USP53: variants seen among roughly 807,000 people sequenced by gnomAD.
USP53 encodes ubiquitin specific peptidase 53.
A neutral mutation model predicts 94.9 loss-of-function variants in USP53; 71 were observed. The observed-to-expected ratio is 0.75, with a 90% CI of 0.62 to 0.91. The LOEUF is 0.91. Among genes scored for constraint, USP53 ranks in the 40% least tolerant of loss-of-function variants. The probability of loss-of-function intolerance (pLI) is 0.00; values close to 1 mark genes in which losing one functional copy is unlikely to be tolerated. For synonymous variants in USP53, 375 were observed against 422.7 expected (o/e 0.89, Z 1.39); for missense variants, 1,173 against 1,281.0 (o/e 0.92, Z 1.29).
At chr4:119,241,241 A>G (rs1304416741) in intron 5 of USP53, among the ~76,000 whole-genome samples, 2 of 151,964 alleles carry the variant, frequency 1.3e-5, no homozygotes, top group Admixed American at 6.6e-5. Flanking sequence ...ATGGTGATGT[A>G]TTTTTTTTAA....
At chr4:119,255,869 T>G (rs1201585998) in intron 7 of USP53, among the ~76,000 whole-genome samples, 1 of 152,222 alleles carries the variant, frequency 6.6e-6, no homozygotes, top group Non-Finnish European at 1.5e-5. Flanking sequence ...CTGTTCCTAT[T>G]CAGCCATCCA....
intron 3 of USP53, among the ~76,000 whole-genome samples, chr4:119,225,751 A>G (rs1561193636): frequency 6.6e-6 from 1 of 152,218 alleles, no homozygotes; most frequent in Non-Finnish European, 1.5e-5. Flanking sequence ...AAACAAAAAC[A>G]AAACAAACAA....
chr4:119,266,177 C>G (rs1306667408), intron 12 of USP53: 1 of 431,308 alleles, frequency 2.3e-6, no homozygotes, highest in African/African-American at 2.0e-5. Flanking sequence ...CTTTAAGATT[C>G]ATTCATGTTG....
intron 13 of USP53, among the ~76,000 whole-genome samples, chr4:119,267,875 A>T (rs1356569455): frequency 6.6e-6 from 1 of 152,230 alleles, no homozygotes; most frequent in Admixed American, 6.5e-5. Flanking sequence ...TTTACAGTTA[A>T]AAATAATCTG....
At chr4:119,274,106 T>G (rs1177630506) in intron 17 of USP53, among the ~76,000 whole-genome samples, 1 of 150,946 alleles carries the variant, frequency 6.6e-6, no homozygotes, top group East Asian at 1.9e-4. Flanking sequence ...TTTATTTATT[T>G]TTTTATTATA....
Position 119,245,447 on chromosome 4 carries a change from C to T in USP53, c.237+18C>T. 1 of 1,603,364 alleles carries T rather than the reference C, an allele frequency of 6.2e-7. No individual in the cohort carries two copies. ...CATTGAAGGTAACCTTTTAATAGCTCTGAAAAACTACTATCAATTGTTCCT... is the reference window on the plus strand; with the variant it reads ...CATTGAAGGTAACCTTTTAATAGCTTTGAAAAACTACTATCAATTGTTCCT... On this transcript the variant is annotated intron_variant, in intron 6 of 18. Coordinates refer to ENST00000692078, the MANE Select transcript of USP53 (RefSeq NM_001371395.1).
In USP53 at chr4:119,290,716, C is replaced by A. The variant is rs561956220; in HGVS notation, c.2252-449C>A. On this transcript the variant is annotated intron_variant, in intron 17 of 18. Coordinates refer to ENST00000692078, the MANE Select transcript of USP53 (RefSeq NM_001371395.1). ...GGTAGGTAAAATGGATTATCATTAT[C>A]CCATTATATAAGTGAGGGAACTGAG... Among the ~76,000 whole-genome samples the A allele has an allele frequency of 3.3e-5, 5 of 152,242 alleles. No individual in the cohort carries two copies. The South Asian group carries it at 1.0e-3, about 32-fold the overall frequency.
intron 7 of USP53, among the ~76,000 whole-genome samples, chr4:119,255,854 C>A (rs527783708): frequency 6.6e-6 from 1 of 152,092 alleles, no homozygotes; most frequent in South Asian, 2.1e-4. Flanking sequence ...AGCTGTAGAC[C>A]GGAGCTGTTC....
Position 119,239,830 on chromosome 4 carries a change from T to A in USP53, c.71T>A (p.Leu24Gln). ...AAAGTTTATCAGCCTGGAAGTATGC[T>A]ATCACTAGCCCCTACCAAAGGCTTG... is the stretch of plus-strand genomic sequence containing the variant. ...LGKVYQPGSMLSLAPTKGLLN... is the reference protein window; with the variant it reads ...LGKVYQPGSMQSLAPTKGLLN... The change falls in exon 5 of 19, where the codon CTA becomes CAA. Residue 24 changes from leucine to glutamine, a missense_variant. Coordinates refer to ENST00000692078, the MANE Select transcript of USP53 (RefSeq NM_001371395.1). 6.2e-7 allele frequency: 1 copy of A among 1,613,180 alleles called. No homozygotes were observed. Among genetic ancestry groups the A allele is most frequent in the South Asian group, 1.1e-5 (1 of 90,910 alleles).
At chr4:119,234,457 T>G (rs1195465457) in intron 3 of USP53, among the ~76,000 whole-genome samples, 2 of 152,226 alleles carry the variant, frequency 1.3e-5, no homozygotes, top group Non-Finnish European at 2.9e-5. Flanking sequence ...TTTTAAATTA[T>G]CTGTTTGTGT....
At chr4:119,216,795 T>C (rs966539733) in intron 2 of USP53, among the ~76,000 whole-genome samples, 6 of 152,206 alleles carry the variant, frequency 3.9e-5, no homozygotes, top group African/African-American at 9.6e-5. Context: ...ATTAAAGCAA[T>C]GGTTAAGTTT....
chr4:119,269,446 ATC>A (rs1751576717), intron 14 of USP53, among the ~76,000 whole-genome samples: 1 of 152,180 alleles, frequency 6.6e-6, no homozygotes, highest in Non-Finnish European at 1.5e-5. Context: ...TTAATGGCAG[ATC>A]TCTTTCTTTT....
At chr4:119,218,526 T>A (rs923018463) in intron 3 of USP53, 1 of 152,222 alleles carries the variant, frequency 6.6e-6, no homozygotes, top group Non-Finnish European at 1.5e-5. Context: ...TACTTAAAAC[T>A]TACTGTTTTT....
Position 119,292,826 on chromosome 4 carries a change from T to A in USP53, c.2837T>A (p.Val946Asp), listed in dbSNP as rs768401462. ...QSEKSESTPD[V>D]KLTEVFKATS... is the part of the protein sequence containing the mutation. The stretch of plus-strand genomic sequence containing the variant: ...GAGAAAAGCGAATCTACACCTGATG[T>A]CAAACTTACAGAGGTGTTTAAAGCT... The change falls in exon 19 of 19, where the codon GTC becomes GAC. Residue 946 changes from valine to aspartate, a missense_variant. Physicochemically the swap from Val to Asp is radical, Grantham distance 152. Coordinates refer to ENST00000692078, the MANE Select transcript of USP53 (RefSeq NM_001371395.1). 2.5e-5 allele frequency: 40 copies of A among 1,614,012 alleles called. No individual in the cohort carries two copies. The highest frequency in any genetic ancestry group is 1.5e-4 in the South Asian group (14 of 91,088).
intron 17 of USP53, among the ~76,000 whole-genome samples, chr4:119,280,842 AT>A (rs1169722748): frequency 1.3e-5 from 2 of 152,210 alleles, no homozygotes; most frequent in African/African-American, 4.8e-5. Context: ...AGGAAGATAT[AT>A]TGTGGAGAAT....
chr4:119,233,949 G>T (rs1288317264), intron 3 of USP53, among the ~76,000 whole-genome samples: 11 of 152,072 alleles, frequency 7.2e-5, no homozygotes, highest in Non-Finnish European at 1.6e-4. Flanking sequence ...TTCGACAGTT[G>T]GTGCCAAAAA....
intron 7 of USP53, among the ~76,000 whole-genome samples, chr4:119,255,589 G>C (rs1198897217): frequency 6.6e-6 from 1 of 152,188 alleles, no homozygotes; most frequent in Non-Finnish European, 1.5e-5. Context: ...TCTGCTGGTT[G>C]GTAAGACCGT....
Position 119,293,865 on chromosome 4 carries a change from A to G in USP53, c.*654A>G, listed in dbSNP as rs1015182919. On this transcript the variant is annotated 3_prime_UTR_variant, in exon 19 of 19. Coordinates refer to ENST00000692078, the MANE Select transcript of USP53 (RefSeq NM_001371395.1). ...CTTATGAATTTGATAGCATTTGGGG[A>G]AAAAAAGCCTTATATGATTAACAAT... The G allele has an allele frequency of 1.3e-5, 2 of 152,020 alleles. No homozygotes were observed. The highest frequency in any genetic ancestry group is 6.6e-5 in the Admixed American group (1 of 15,258). The allele number at this position is 152,020 out of a possible 1,614,324, so 9.4% of individuals were successfully genotyped here.
chr4:119,227,211 T>C lies in USP53; in HGVS notation c.-664-8079T>C, dbSNP rs180928348. Among the ~76,000 whole-genome samples the C allele has an allele frequency of 2.8e-4, 41 of 144,222 alleles. 1 individual carries two copies. The East Asian group carries it at 8.4e-3, about 29-fold the overall frequency. 94.6% of individuals were successfully genotyped at this position (144,222 alleles called of 152,430 possible). On this transcript the variant is annotated intron_variant, in intron 3 of 18. Transcript: ENST00000692078. ...CATTTTAAAAAATGGTGCTGGAAAA[T>C]TAGATTTTGTTTGGACAAAATTAAT...
Sources: gnomAD v4.1 joint callset for allele counts (sites outside exome capture counted in the v4.1 genomes callset) on GRCh38, gnomAD v4.1.1 for gene constraint, MANE v1.5 for transcripts, NCBI Gene and HGNC (gene_info 2026-07-23, HGNC 2026-07-21) for gene names.